Variants in CRYL1 observed in about 807,000 individuals in gnomAD.
CRYL1 encodes lambda-crystallin homolog.
In CRYL1, 29 loss-of-function variants were observed where a neutral mutation model predicts 36.6. That is an observed-to-expected ratio of 0.79 (90% CI 0.59 to 1.08). The LOEUF (loss-of-function observed/expected upper bound fraction) is 1.08. Ranked by LOEUF, CRYL1 falls within the 50% of genes least tolerant of loss-of-function variation. CRYL1 has a pLI of 0.00. For synonymous variants in CRYL1, 152 were observed against 151.5 expected, an observed-to-expected ratio of 1.00 and a Z score of -0.02; for missense variants, 411 against 407.9, an observed-to-expected ratio of 1.01 and a Z score of -0.06.
intron 4 of CRYL1, among the ~76,000 whole-genome samples, chr13:20,436,598 C>G (rs1284575115): frequency 6.6e-6 from 1 of 152,168 alleles, no homozygotes; most frequent in African/African-American, 2.4e-5. Context: ...TGGCCGTCAG[C>G]AGCTCTAGTC....
At chr13:20,508,232 AAAAAT>A (rs1449077624) in intron 2 of CRYL1, among the ~76,000 whole-genome samples, 3 of 152,192 alleles carry the variant, frequency 2.0e-5, no homozygotes, top group Non-Finnish European at 4.4e-5. Context: ...TGGTCTCAAA[AAAAAT>A]AAAATAAAAT....
intron 4 of CRYL1, among the ~76,000 whole-genome samples, chr13:20,438,751 G>A (rs978172445): frequency 2.6e-5 from 4 of 152,146 alleles, no homozygotes; most frequent in African/African-American, 9.7e-5. Flanking sequence ...CCAAGGGTGT[G>A]GTCACTATTT....
intron 2 of CRYL1, among the ~76,000 whole-genome samples, chr13:20,512,095 T>C (rs1435480072): frequency 1.3e-5 from 2 of 152,218 alleles, no homozygotes; most frequent in East Asian, 3.8e-4. Context: ...CCTGCAGCTA[T>C]GGCTGTCACA....
chr13:20,487,382 T>C (rs1258931738), intron 3 of CRYL1, among the ~76,000 whole-genome samples: 4 of 152,158 alleles, frequency 2.6e-5, no homozygotes, highest in Non-Finnish European at 4.4e-5. Flanking sequence ...GCATTGTAGA[T>C]GGGTTCAAAA....
At chr13:20,423,996 C>T (rs551173853) in intron 5 of CRYL1, among the ~76,000 whole-genome samples, 4 of 152,110 alleles carry the variant, frequency 2.6e-5, no homozygotes, top group South Asian at 2.1e-4. Context: ...GTCTCGAACT[C>T]CTGACCTCGT....
rs2032190573 is a variant in CRYL1 at position 20,435,517 on chromosome 13, G to A, written c.439-3221C>T. Among the ~76,000 whole-genome samples, 1 of 152,172 alleles carries A rather than the reference G, an allele frequency of 6.6e-6. No individual in the cohort carries two copies. Among genetic ancestry groups the A allele is most frequent in the African/African-American group, 2.4e-5 (1 of 41,438 alleles). On this transcript the variant is annotated intron_variant, in intron 4 of 7. Coordinates refer to ENST00000298248, the MANE Select transcript of CRYL1 (RefSeq NM_015974.3). The surrounding 1 kb of genome is among the most constrained non-coding windows in gnomAD (Gnocchi z 4.0). ...ACAGCCCTCAGCCTCTGGCCCAAGA[G>A]GTCAATCTTGTCAATAAGGTCGGGT...
intron 3 of CRYL1, among the ~76,000 whole-genome samples, chr13:20,475,682 CA>C (rs2033151880): frequency 2.0e-5 from 3 of 152,292 alleles, no homozygotes; most frequent in Admixed American, 2.0e-4. Context: ...AGAGCCATAT[CA>C]GCCTCAGGAG....
intron 3 of CRYL1, among the ~76,000 whole-genome samples, chr13:20,471,875 C>T (rs116953248): frequency 0.013 from 1,884 of 149,348 alleles, 23 homozygotes; most frequent in Non-Finnish European, 0.02. Context: ...TTTTTTGAGA[C>T]GTAGTCTCAC....
chr13:20,506,797 C>A (rs1434552505), intron 2 of CRYL1, among the ~76,000 whole-genome samples: 1 of 152,160 alleles, frequency 6.6e-6, no homozygotes, highest in African/African-American at 2.4e-5. Flanking sequence ...CAAACTACAG[C>A]CCACAGGCCA....
intron 3 of CRYL1, among the ~76,000 whole-genome samples, chr13:20,458,013 A>C (rs1177620609): frequency 6.6e-6 from 1 of 152,198 alleles, no homozygotes; most frequent in Non-Finnish European, 1.5e-5. Flanking sequence ...AGGTCTTTGC[A>C]CAGAGTTATC....
rs2032843553 is a variant in CRYL1 at position 20,462,187 on chromosome 13, AGGACGACCTAGTGG to A, written c.277-22447_277-22434del. ...TAAGGTGGCAGGACGACCTAGTGGGAGGACGACCTAGTGGGAGGAGGGGGCAGGAGGAGGGCCTG... is the reference window on the plus strand; with the variant it reads ...TAAGGTGGCAGGACGACCTAGTGGGAGAGGAGGGGGCAGGAGGAGGGCCTG... On this transcript the variant is annotated intron_variant, in intron 3 of 7. Coordinates refer to ENST00000298248, the MANE Select transcript of CRYL1 (RefSeq NM_015974.3). Among the ~76,000 whole-genome samples the A allele has an allele frequency of 2.3e-3, 15 of 6,532 alleles. 1 individual carries two copies. Among genetic ancestry groups the A allele is most frequent in the Admixed American group, 0.019 (15 of 776 alleles). 4.3% of individuals were successfully genotyped at this position (6,532 alleles called of 152,430 possible).
At chr13:20,482,444 C>T (rs1025651724) in intron 3 of CRYL1, among the ~76,000 whole-genome samples, 1 of 152,218 alleles carries the variant, frequency 6.6e-6, no homozygotes, top group Non-Finnish European at 1.5e-5. Flanking sequence ...AAAGTCAAGG[C>T]TTGAGACCAG....
Position 20,441,167 on chromosome 13 carries a change from C to T in CRYL1, c.277-1413G>A, listed in dbSNP as rs138109003. The stretch of plus-strand genomic sequence containing the variant: ...TAGGGGAGGAGGTAGGGCCTCCCAA[C>T]GTTCCCCAGTGACTTCAGGAGAATG... On this transcript the variant is annotated intron_variant, in intron 3 of 7. Transcript: ENST00000298248. Among the ~76,000 whole-genome samples the T allele has an allele frequency of 9.8e-3, 1,495 of 152,304 alleles. 26 individuals are homozygous for T. Among genetic ancestry groups the T allele is most frequent in the African/African-American group, 0.031 (1,309 of 41,564 alleles).
intron 2 of CRYL1, among the ~76,000 whole-genome samples, chr13:20,509,195 CAAA>C (rs1221695401): frequency 2.9e-5 from 3 of 103,280 alleles, no homozygotes; most frequent in Non-Finnish European, 6.3e-5. Context: ...ACTCAATCCC[CAAA>C]AAAAAAAAAA....
intron 5 of CRYL1, chr13:20,426,562 C>T (rs549272186): frequency 1.2e-4 from 40 of 344,046 alleles, no homozygotes; most frequent in Non-Finnish European, 1.5e-4. Flanking sequence ...TGTGAGCTTG[C>T]GGTCAGAGAG....
chr13:20,463,135 G>T (rs1181794872), intron 3 of CRYL1, among the ~76,000 whole-genome samples: 1 of 152,210 alleles, frequency 6.6e-6, no homozygotes, highest in African/African-American at 2.4e-5. Flanking sequence ...CGTGCAGGCA[G>T]CCCAGAGGAG....
intron 3 of CRYL1, among the ~76,000 whole-genome samples, chr13:20,446,647 GGCTCTCCAT>G (rs1565966843): frequency 2.0e-5 from 3 of 152,134 alleles, no homozygotes; most frequent in Non-Finnish European, 2.9e-5. Context: ...CTCACACCTA[GGCTCTCCAT>G]TCTTAAAATA....
At chr13:20,489,150 T>C (rs1478235161) in intron 3 of CRYL1, among the ~76,000 whole-genome samples, 10 of 152,326 alleles carry the variant, frequency 6.6e-5, no homozygotes, top group Non-Finnish European at 2.9e-5. Context: ...GATAAGGCAT[T>C]GGTCTCTTGA....
At chr13:20,485,687 GA>G (rs1303735375) in intron 3 of CRYL1, among the ~76,000 whole-genome samples, 1 of 143,854 alleles carries the variant, frequency 7.0e-6, no homozygotes, top group African/African-American at 2.9e-5. Context: ...AAGAAAGATA[GA>G]AAAGAAAAGA....
Sources: gnomAD v4.1 joint callset for allele counts (sites outside exome capture counted in the v4.1 genomes callset) on GRCh38, gnomAD v4.1.1 for gene constraint, Gnocchi (gnomAD v3.1) non-coding constraint, MANE v1.5 for transcripts, NCBI Gene and HGNC (gene_info 2026-07-23, HGNC 2026-07-21) for gene names.